The following SH3GL2 variants were observed in gnomAD, a reference collection of about 807,000 sequenced individuals.
SH3GL2 encodes endophilin-A1.
A neutral mutation model predicts 46.0 loss-of-function variants in SH3GL2; 24 were observed. The observed-to-expected ratio is 0.52, with a 90% CI of 0.38 to 0.73. The LOEUF (loss-of-function observed/expected upper bound fraction) is 0.73. Among genes scored for constraint, SH3GL2 ranks in the 30% least tolerant of loss-of-function variants. The pLI is 0.00. For synonymous variants in SH3GL2, 196 were observed against 147.1 expected (o/e 1.33, Z -2.40); for missense variants, 413 against 424.2 (o/e 0.97, Z 0.23).
Position 17,791,317 on chromosome 9 carries a change from G to A in SH3GL2, c.711G>A (p.Thr237=), listed in dbSNP as rs150625805. 2.3e-4 allele frequency: 366 copies of A among 1,610,276 alleles called. No homozygotes were observed. In the African/African-American group the frequency reaches 4.3e-3, roughly 19 times the overall value. The change falls in exon 7 of 9, where the codon ACG becomes ACA. Residue 237 remains threonine, a synonymous_variant. Coordinates refer to ENST00000380607, the MANE Select transcript of SH3GL2 (RefSeq NM_003026.5). ...CAGTCCAGATCCTGCAGCAAGTCAC[G>A]GTCAGACTGGAAGAAAGGTATTCTA... is the stretch of plus-strand genomic sequence containing the variant. ...KQAVQILQQV[T]VRLEERIRQA...
chr9:17,698,401 C>A (rs993922542), intron 1 of SH3GL2, among the ~76,000 whole-genome samples: 1 of 152,166 alleles, frequency 6.6e-6, no homozygotes, highest in East Asian at 1.9e-4. Flanking sequence ...AGATAGAGTG[C>A]CTGATGGATG....
intron 1 of SH3GL2, among the ~76,000 whole-genome samples, chr9:17,668,792 G>A (rs1019498859): frequency 6.6e-6 from 1 of 152,104 alleles, no homozygotes; most frequent in African/African-American, 2.4e-5. Flanking sequence ...GAGTAGCCAG[G>A]ACTACAGGTG....
At chr9:17,689,918 C>T (rs1821028389) in intron 1 of SH3GL2, among the ~76,000 whole-genome samples, 1 of 152,032 alleles carries the variant, frequency 6.6e-6, no homozygotes, top group African/African-American at 2.4e-5. Flanking sequence ...TTTGTTAATT[C>T]TGTTTGTTCC....
intron 3 of SH3GL2, among the ~76,000 whole-genome samples, chr9:17,766,216 G>A (rs959113): frequency 1.6e-4 from 24 of 152,202 alleles, no homozygotes; most frequent in African/African-American, 4.6e-4. Context: ...GTGGAAGTGT[G>A]AGCGGGATCA....
chr9:17,775,766 TA>T (rs1823624166), intron 3 of SH3GL2, among the ~76,000 whole-genome samples: 1 of 152,182 alleles, frequency 6.6e-6, no homozygotes, highest in Admixed American at 6.5e-5. Flanking sequence ...TGATGGATGC[TA>T]AAGCCATTAG....
At chr9:17,625,847 T>G (rs1270070051) in intron 1 of SH3GL2, among the ~76,000 whole-genome samples, 1 of 152,230 alleles carries the variant, frequency 6.6e-6, no homozygotes, top group Non-Finnish European at 1.5e-5. Context: ...AAAGGGAGGC[T>G]GAGGTCACTT....
In SH3GL2 at chr9:17,760,208, T is replaced by A. The variant is rs117631606; in HGVS notation, c.115-1229T>A. On this transcript the variant is annotated intron_variant, in intron 2 of 8. Transcript: ENST00000380607. ...GTAGACAGGCACATTTGAAATTGCA[T>A]CCTTCTAAAGATAATTTTATATCAT... Among the ~76,000 whole-genome samples the A allele has an allele frequency of 7.3e-3, 1,107 of 152,318 alleles. 10 individuals carry two copies. The highest frequency in any genetic ancestry group is 0.013 in the Non-Finnish European group (867 of 68,034).
chr9:17,659,165 G>C (rs1472177515), intron 1 of SH3GL2, among the ~76,000 whole-genome samples: 1 of 152,168 alleles, frequency 6.6e-6, no homozygotes, highest in Non-Finnish European at 1.5e-5. Flanking sequence ...ATGGGAGTGA[G>C]TTAAGCGGCC....
chr9:17,726,875 C>T (rs1307778967), intron 1 of SH3GL2, among the ~76,000 whole-genome samples: 1 of 152,078 alleles, frequency 6.6e-6, no homozygotes, highest in Non-Finnish European at 1.5e-5. Flanking sequence ...GGTATAACTC[C>T]TTCGGGGAGG....
chr9:17,636,472 C>CTT (rs2134634471), intron 1 of SH3GL2, among the ~76,000 whole-genome samples: 1 of 152,324 alleles, frequency 6.6e-6, no homozygotes, highest in African/African-American at 2.4e-5. Context: ...CCTGATCCAT[C>CTT]TTTGCATTCT....
At chr9:17,732,018 C>A (rs1217496729) in intron 1 of SH3GL2, among the ~76,000 whole-genome samples, 3 of 152,132 alleles carry the variant, frequency 2.0e-5, no homozygotes, top group African/African-American at 7.2e-5. Context: ...GATAGGGAAA[C>A]AAGCATATAA....
Position 17,610,041 on chromosome 9 carries a change from TCGG to T in SH3GL2, c.45+30755_45+30757del, listed in dbSNP as rs1274891305. Among the ~76,000 whole-genome samples, 166 of 152,336 alleles carry T rather than the reference TCGG, an allele frequency of 1.1e-3. 2 individuals carry two copies. The highest frequency in any genetic ancestry group is 3.8e-3 in the African/African-American group (157 of 41,574). On this transcript the variant is annotated intron_variant, in intron 1 of 8. Transcript: ENST00000380607. ...ACCACCAAATCCTATTTTTCCTAAA[TCGG>T]TCAATGTATTGTCATATCCCCTGTG... is the stretch of plus-strand genomic sequence containing the variant.
chr9:17,592,814 G>T (rs991805900), intron 1 of SH3GL2, among the ~76,000 whole-genome samples: 4 of 152,148 alleles, frequency 2.6e-5, no homozygotes, highest in African/African-American at 9.7e-5. Flanking sequence ...AGTGGCTGGG[G>T]ACTCCTATAG....
chr9:17,745,243 T>G (rs935276800), intron 1 of SH3GL2, among the ~76,000 whole-genome samples: 17 of 152,214 alleles, frequency 1.1e-4, no homozygotes, highest in Non-Finnish European at 5.9e-5. Context: ...TCATTGCCCT[T>G]TATCTACCTA....
chr9:17,635,088 A>G (rs766215230), intron 1 of SH3GL2, among the ~76,000 whole-genome samples: 35 of 152,178 alleles, frequency 2.3e-4, no homozygotes, highest in Non-Finnish European at 2.9e-5. Context: ...TCACCCAGGT[A>G]TTAAGCCTAG....
chr9:17,673,618 A>T (rs1270183487), intron 1 of SH3GL2, among the ~76,000 whole-genome samples: 3 of 152,092 alleles, frequency 2.0e-5, no homozygotes, highest in African/African-American at 7.2e-5. Context: ...CTTTGACTTG[A>T]CCTACTAGCC....
intron 1 of SH3GL2, among the ~76,000 whole-genome samples, chr9:17,676,305 C>A (rs954541942): frequency 1.3e-5 from 2 of 152,064 alleles, no homozygotes; most frequent in Non-Finnish European, 2.9e-5. Flanking sequence ...TTTGCTCAGA[C>A]TGTAAAAAGT....
At chr9:17,742,670 G>A (rs1270627992) in intron 1 of SH3GL2, among the ~76,000 whole-genome samples, 9 of 152,090 alleles carry the variant, frequency 5.9e-5, no homozygotes, top group East Asian at 1.9e-4. Flanking sequence ...TGAGGAAGAC[G>A]ATAAAGAATA....
chr9:17,581,142 C>A (rs1449311112), intron 1 of SH3GL2, among the ~76,000 whole-genome samples: 5 of 152,176 alleles, frequency 3.3e-5, no homozygotes, highest in African/African-American at 1.2e-4. Context: ...AAAATACTAT[C>A]CCTTATGCTG....
Sources: allele counts gnomAD v4.1 joint callset (sites outside exome capture counted in the v4.1 genomes callset), GRCh38; gene constraint gnomAD v4.1.1; transcripts MANE v1.5; gene names NCBI Gene and HGNC (gene_info 2026-07-23, HGNC 2026-07-21).